The following SOX5 variants were observed in gnomAD, a reference collection of about 807,000 sequenced individuals.
The protein encoded by SOX5 is SRY-box transcription factor 5, also known as transcription factor SOX-5.
Under a neutral mutation model 92.0 loss-of-function variants are expected in SOX5, and 9 were observed. The ratio of observed to expected loss-of-function variants is 0.10; its 90% CI spans 0.06 to 0.17. The LOEUF is 0.17. SOX5 is among the 10% of genes least tolerant of loss of function. The probability of loss-of-function intolerance (pLI) is 1.00; values close to 1 mark genes in which losing one functional copy is unlikely to be tolerated. For synonymous variants in SOX5, 344 were observed against 336.3 expected, an observed-to-expected ratio of 1.02 and a Z score of -0.25; for missense variants, 642 against 944.5, an observed-to-expected ratio of 0.68 and a Z score of 4.20.
At chr12:23,999,370 C>A (rs1052929373) in intron 4 of SOX5, among the ~76,000 whole-genome samples, 5 of 151,998 alleles carry the variant, frequency 3.3e-5, no homozygotes, top group East Asian at 1.9e-4. Context: ...TAAATAAGTT[C>A]TAGATACCTA....
intron 1 of SOX5, among the ~76,000 whole-genome samples, chr12:24,406,197 G>T (rs897954860): frequency 1.3e-5 from 2 of 152,172 alleles, no homozygotes; most frequent in African/African-American, 4.8e-5. Flanking sequence ...TGAAGCCCAA[G>T]AGGATCAACG....
chr12:23,938,804 C>T (rs1299024691), intron 1 of SOX5, among the ~76,000 whole-genome samples: 1 of 150,820 alleles, frequency 6.6e-6, no homozygotes, highest in Non-Finnish European at 1.5e-5. Context: ...TACCTGGGAT[C>T]AATAATCATA....
chr12:23,863,897 G>A (rs917115046), intron 2 of SOX5, among the ~76,000 whole-genome samples: 3 of 150,310 alleles, frequency 2.0e-5, no homozygotes, highest in African/African-American at 7.4e-5. Context: ...TTTGTGAAAA[G>A]CACTATCCTG....
chr12:23,800,495 C>T (rs572133345), intron 3 of SOX5, among the ~76,000 whole-genome samples: 7 of 151,696 alleles, frequency 4.6e-5, no homozygotes, highest in East Asian at 3.9e-4. Context: ...TAGTGAGAGA[C>T]GGTAATATTT....
intron 1 of SOX5, among the ~76,000 whole-genome samples, chr12:24,501,449 T>A (rs1274559683): frequency 6.6e-6 from 1 of 151,958 alleles, no homozygotes; most frequent in Non-Finnish European, 1.5e-5. Flanking sequence ...ACTTTTAACA[T>A]AAGTCTTCAT....
intron 3 of SOX5, among the ~76,000 whole-genome samples, chr12:23,796,049 TCTAA>T (rs1005206487): frequency 8.5e-5 from 13 of 152,090 alleles, no homozygotes; most frequent in South Asian, 6.2e-4. Context: ...CTAGAAAACC[TCTAA>T]CTGTTACTTA....
intron 11 of SOX5, among the ~76,000 whole-genome samples, chr12:23,555,837 C>A (rs996695304): frequency 6.6e-6 from 1 of 152,002 alleles, no homozygotes; most frequent in Non-Finnish European, 1.5e-5. Context: ...CAATTAAATA[C>A]CCCCAAAAAG....
intron 3 of SOX5, among the ~76,000 whole-genome samples, chr12:24,226,446 T>A (rs893895843): frequency 6.6e-6 from 1 of 152,166 alleles, no homozygotes; most frequent in Admixed American, 6.5e-5. Flanking sequence ...TATTACTGCA[T>A]AGAGATCTTC....
chr12:24,278,251 G>A (rs1465174901), intron 2 of SOX5, among the ~76,000 whole-genome samples: 1 of 152,152 alleles, frequency 6.6e-6, no homozygotes, highest in African/African-American at 2.4e-5. Context: ...CCTGGAGCAT[G>A]CCTCGTATAG....
At chr12:24,480,590 T>C (rs12810372) in intron 1 of SOX5, among the ~76,000 whole-genome samples, 13,422 of 152,150 alleles carry the variant, frequency 0.088, 737 homozygotes, top group South Asian at 0.16. Flanking sequence ...TGATTTAAAA[T>C]GGGCAAAAGA....
At chr12:24,303,793 T>A (rs545233882) in intron 2 of SOX5, among the ~76,000 whole-genome samples, 1 of 152,092 alleles carries the variant, frequency 6.6e-6, no homozygotes, top group Non-Finnish European at 1.5e-5. Context: ...CACAAAGGTG[T>A]GAATGCCAGG....
intron 3 of SOX5, among the ~76,000 whole-genome samples, chr12:24,218,449 G>A (rs528752952): frequency 7.2e-5 from 11 of 152,278 alleles, no homozygotes; most frequent in African/African-American, 2.2e-4. Context: ...ACAGAGAGCA[G>A]ATCAACGGCT....
At chr12:23,901,244 T>C (rs2097228642) in intron 1 of SOX5, among the ~76,000 whole-genome samples, 1 of 152,072 alleles carries the variant, frequency 6.6e-6, no homozygotes, top group Non-Finnish European at 1.5e-5. Flanking sequence ...AACCAAGGAA[T>C]GTAGGCAGCC....
Position 24,398,555 on chromosome 12 carries a change from C to G in SOX5, c.-250-29916G>C, listed in dbSNP as rs534954222. 3.1e-4 allele frequency among the ~76,000 whole-genome samples: 47 copies of G among 152,244 alleles called. 2 individuals are homozygous for G. The highest frequency in any genetic ancestry group is 1.1e-3 in the African/African-American group (45 of 41,554). On this transcript the variant is annotated intron_variant, in intron 1 of 4. Transcript: ENST00000446891. ...TCACTGAGATTCAGAAAACATGCAA[C>G]TACACACACACAGTGGTACTTGTGT...
intron 3 of SOX5, among the ~76,000 whole-genome samples, chr12:23,770,501 G>A (rs546822746): frequency 2.2e-4 from 34 of 151,710 alleles, no homozygotes; most frequent in East Asian, 7.8e-4. Context: ...GGGAGAGAGC[G>A]ACAAAAAAAT....
At chr12:24,095,148 G>GAGAA (rs1945232953) in intron 4 of SOX5, among the ~76,000 whole-genome samples, 1 of 147,688 alleles carries the variant, frequency 6.8e-6, no homozygotes, top group Admixed American at 6.8e-5. Flanking sequence ...GAGAGAGAGA[G>GAGAA]AGAGAGAGAC....
chr12:24,054,956 T>C (rs1379687345), intron 4 of SOX5, among the ~76,000 whole-genome samples: 1 of 152,056 alleles, frequency 6.6e-6, no homozygotes, highest in African/African-American at 2.4e-5. Context: ...AAATGAGGAA[T>C]GGGAATGGGG....
intron 2 of SOX5, among the ~76,000 whole-genome samples, chr12:23,893,543 C>A (rs935408264): frequency 6.6e-6 from 1 of 152,090 alleles, no homozygotes; most frequent in Non-Finnish European, 1.5e-5. Flanking sequence ...TAATATACTT[C>A]TCTCATACCC....
At chr12:24,093,037 A>T (rs1944849635) in intron 4 of SOX5, among the ~76,000 whole-genome samples, 1 of 152,196 alleles carries the variant, frequency 6.6e-6, no homozygotes, top group Admixed American at 6.5e-5. Flanking sequence ...TAAATAAAAA[A>T]ATCATGAGCT....
Sources: allele counts gnomAD v4.1 joint callset (sites outside exome capture counted in the v4.1 genomes callset), GRCh38; gene constraint gnomAD v4.1.1; transcripts MANE v1.5; gene names NCBI Gene and HGNC (gene_info 2026-07-23, HGNC 2026-07-21).